Variants in TPRG1 observed in about 807,000 individuals in gnomAD.
TPRG1 encodes the protein tumor protein p63 regulated 1, also known as tumor protein p63-regulated gene 1 protein.
In TPRG1, 29 loss-of-function variants were observed where a neutral mutation model predicts 29.3. The observed-to-expected ratio is 0.99, with a 90% CI of 0.74 to 1.35. The LOEUF is 1.35. Among genes scored for constraint, TPRG1 ranks in the 40% most tolerant of loss-of-function variants. The pLI is 0.00. For missense variants in TPRG1, 327 were observed against 335.0 expected, an observed-to-expected ratio of 0.98 and a Z score of 0.19; for synonymous variants, 130 against 116.8, an observed-to-expected ratio of 1.11 and a Z score of -0.73.
At position 189,215,328 on chromosome 3, in the gene TPRG1, G is replaced by C. The variant is rs773595473; in HGVS notation, c.247G>C (p.Gly83Arg). ...TGAGACTGCCATGGAAGACTTGAAA[G>C]GTCACGTAGCTGAGACTTCTGGAGA... ...AIETAMEDLKGHVAETSGETI... is the reference protein window; with the variant it reads ...AIETAMEDLKRHVAETSGETI... The change falls in exon 3 of 6, where the codon GGT becomes CGT. Residue 83 changes from glycine (G) to arginine (R), a missense_variant. Physicochemically the swap from Gly to Arg is moderately radical, Grantham distance 125. Transcript: ENST00000345063. The C allele has an allele frequency of 1.2e-6, 2 of 1,612,146 alleles. No homozygotes were observed. The highest frequency in any genetic ancestry group is 1.7e-6 in the Non-Finnish European group (2 of 1,179,232).
intron 4 of TPRG1, among the ~76,000 whole-genome samples, chr3:189,239,779 G>C (rs1244189612): frequency 6.6e-6 from 1 of 152,180 alleles, no homozygotes; most frequent in Non-Finnish European, 1.5e-5. Context: ...ATTCCTGGAA[G>C]TTCAGTGACG....
chr3:189,090,607 A>T (rs1330805411), intron 4 of TPRG1, among the ~76,000 whole-genome samples: 2 of 151,948 alleles, frequency 1.3e-5, no homozygotes, highest in Non-Finnish European at 2.9e-5. Flanking sequence ...TATTCTCTTA[A>T]TCATACCTTT....
intron 4 of TPRG1, among the ~76,000 whole-genome samples, chr3:189,259,997 T>C (rs1712709068): frequency 6.6e-6 from 1 of 152,176 alleles, no homozygotes; most frequent in Admixed American, 6.5e-5. Context: ...CATATTCTCA[T>C]CTGAACTCTA....
rs559919370 is a variant in TPRG1 at position 189,134,223 on chromosome 3, G to A, written c.-291+1526G>A. 2.0e-5 allele frequency among the ~76,000 whole-genome samples: 3 copies of A among 152,080 alleles called. No individual in the cohort carries two copies. The South Asian group carries it at 6.2e-4, about 32-fold the overall frequency. ...AATCACCTGCCATCTCTGGGGCTTG[G>A]TTTCCTCATCTGCAAAATGAACATG... On this transcript the variant is annotated intron_variant, in intron 3 of 6. Transcript: ENST00000412373.
At chr3:189,213,730 A>G (rs1735623953) in intron 2 of TPRG1, among the ~76,000 whole-genome samples, 1 of 152,160 alleles carries the variant, frequency 6.6e-6, no homozygotes, top group Non-Finnish European at 1.5e-5. Flanking sequence ...GCAAACATAA[A>G]TATTTGTTTT....
rs980908894 is a variant in TPRG1, at chr3:189,172,100, GA to G, written c.-38del. ...GTCTAGCCCCCTTTGTGCAGAAAGAGAAAGAAGAGCCTTGAGGACCAGCCTA... is the reference window on the plus strand; with the variant it reads ...GTCTAGCCCCCTTTGTGCAGAAAGAGAAGAAGAGCCTTGAGGACCAGCCTA... On this transcript the variant is annotated 5_prime_UTR_variant, in exon 1 of 6. Coordinates refer to ENST00000345063, the MANE Select transcript of TPRG1 (RefSeq NM_198485.4). The G allele has an allele frequency of 1.3e-5, 2 of 152,380 alleles. No individual in the cohort carries two copies. The highest frequency in any genetic ancestry group is 2.9e-5 in the Non-Finnish European group (2 of 68,108). 9.4% of individuals were successfully genotyped at this position (152,380 alleles called of 1,614,324 possible).
At chr3:189,101,888 C>T (rs946298671) in intron 1 of TPRG1, among the ~76,000 whole-genome samples, 5 of 151,948 alleles carry the variant, frequency 3.3e-5, no homozygotes, top group Non-Finnish European at 5.9e-5. Flanking sequence ...TTTTTACGTA[C>T]ATCTTTTTAG....
At chr3:189,180,870 C>A (rs1019415991) in intron 1 of TPRG1, among the ~76,000 whole-genome samples, 3 of 152,316 alleles carry the variant, frequency 2.0e-5, no homozygotes, top group Admixed American at 6.5e-5. Context: ...AGAGGAGTTT[C>A]TCCATGAGAG....
At chr3:189,078,385 C>T (rs1717368771) in intron 4 of TPRG1, among the ~76,000 whole-genome samples, 1 of 152,032 alleles carries the variant, frequency 6.6e-6, no homozygotes, top group Admixed American at 6.6e-5. Context: ...TTGTCTGCCA[C>T]CTCAGCCTCC....
chr3:189,082,353 T>G (rs1348132164), intron 4 of TPRG1, among the ~76,000 whole-genome samples: 1 of 152,168 alleles, frequency 6.6e-6, no homozygotes, highest in Non-Finnish European at 1.5e-5. Context: ...AAGATGAAAG[T>G]GTGGAGCATG....
chr3:189,099,901 G>A (rs1718985088), upstream of TPRG1, among the ~76,000 whole-genome samples: 1 of 152,128 alleles, frequency 6.6e-6, no homozygotes, highest in Non-Finnish European at 1.5e-5. Flanking sequence ...GCTCCCAAAG[G>A]AGACCTCTAC....
In TPRG1 at chr3:189,197,549, G is replaced by A. The variant is rs1024137628; in HGVS notation, c.-9-9827G>A. On this transcript the variant is annotated intron_variant, in intron 1 of 5. Coordinates refer to ENST00000345063, the MANE Select transcript of TPRG1 (RefSeq NM_198485.4). ...GTAGGACACTTTTGCTATTGCCTGAGATAAGTCACTCAATTCAATATTTGG... is the reference window on the plus strand; with the variant it reads ...GTAGGACACTTTTGCTATTGCCTGAAATAAGTCACTCAATTCAATATTTGG... Among the ~76,000 whole-genome samples, 8 of 152,208 alleles carry A rather than the reference G, an allele frequency of 5.3e-5. No homozygotes were observed. The South Asian group carries it at 1.4e-3, about 28-fold the overall frequency.
chr3:189,156,818 A>G (rs750521992), intron 5 of TPRG1, among the ~76,000 whole-genome samples: 1 of 152,224 alleles, frequency 6.6e-6, no homozygotes, highest in Non-Finnish European at 1.5e-5. Context: ...TTTAAGGTAC[A>G]GCTGAGAAAA....
chr3:189,192,580 G>T (rs1209178842), intron 1 of TPRG1, among the ~76,000 whole-genome samples: 1 of 152,176 alleles, frequency 6.6e-6, no homozygotes, highest in Non-Finnish European at 1.5e-5. Context: ...TGATCCTCAA[G>T]AGATCAAATA....
intron 5 of TPRG1, among the ~76,000 whole-genome samples, chr3:189,312,187 T>C (rs1005223397): frequency 1.1e-3 from 29 of 26,682 alleles, no homozygotes; most frequent in Admixed American, 3.8e-3. Flanking sequence ...CTTTCTTTTT[T>C]TCTTTCTTTC....
intron 4 of TPRG1, among the ~76,000 whole-genome samples, chr3:189,148,750 C>T (rs1179436502): frequency 2.6e-5 from 4 of 152,196 alleles, no homozygotes; most frequent in African/African-American, 9.7e-5. Context: ...AAACAAGTGT[C>T]GGTACACACG....
At chr3:189,192,543 G>A (rs1731852338) in intron 1 of TPRG1, among the ~76,000 whole-genome samples, 1 of 152,098 alleles carries the variant, frequency 6.6e-6, no homozygotes, top group Admixed American at 6.6e-5. Flanking sequence ...TAAAACTTAA[G>A]GGACATGAAT....
chr3:189,113,884 A>G (rs925523524), intron 1 of TPRG1, among the ~76,000 whole-genome samples: 4 of 151,672 alleles, frequency 2.6e-5, no homozygotes, highest in Non-Finnish European at 5.9e-5. Context: ...TAACCTGCAC[A>G]TTGTGCACAT....
intron 1 of TPRG1, among the ~76,000 whole-genome samples, chr3:189,116,376 A>G (rs1721173556): frequency 6.6e-6 from 1 of 152,036 alleles, no homozygotes; most frequent in Non-Finnish European, 1.5e-5. Flanking sequence ...TTGAGGTTTC[A>G]CCATCTTGGC....
Sources: allele counts gnomAD v4.1 joint callset (sites outside exome capture counted in the v4.1 genomes callset), GRCh38; gene constraint gnomAD v4.1.1; transcripts MANE v1.5; gene names NCBI Gene and HGNC (gene_info 2026-07-23, HGNC 2026-07-21).